Variants in TRIM69 observed in about 807,000 individuals in gnomAD.
TRIM69 encodes E3 ubiquitin-protein ligase TRIM69.
In TRIM69, 29 loss-of-function variants were observed where a neutral mutation model predicts 37.7. The observed-to-expected ratio is 0.77, with a 90% CI of 0.57 to 1.05. The LOEUF is 1.05. Ranked by LOEUF, TRIM69 falls within the 50% of genes least tolerant of loss-of-function variation. The probability of loss-of-function intolerance (pLI) is 0.00; values close to 1 mark genes in which losing one functional copy is unlikely to be tolerated. For synonymous variants in TRIM69, 209 were observed against 212.4 expected (o/e 0.98, Z 0.14); for missense variants, 596 against 579.9 (o/e 1.03, Z -0.28).
intron 1 of TRIM69, among the ~76,000 whole-genome samples, chr15:44,739,565 C>T (rs1189527391): frequency 6.6e-6 from 1 of 152,192 alleles, no homozygotes; most frequent in Admixed American, 6.5e-5. Context: ...GAACGGTGCA[C>T]CAGGAGATTA....
Position 44,755,388 on chromosome 15 carries a change from C to G in TRIM69, c.483+12C>G, listed in dbSNP as rs767523295. Reference sequence around the variant, plus strand: ...TCCATTTCTTCACGGTGGGTGAGCCCTGGGCCTTGAACAATCCCTTAGAAA... The same window carrying G: ...TCCATTTCTTCACGGTGGGTGAGCCGTGGGCCTTGAACAATCCCTTAGAAA... On this transcript the variant is annotated intron_variant, in intron 2 of 6. Transcript: ENST00000329464. 2 of 1,593,770 alleles carry G rather than the reference C, an allele frequency of 1.3e-6. No homozygotes were observed. The highest frequency in any genetic ancestry group is 1.7e-6 in the Non-Finnish European group (2 of 1,163,350).
At chr15:44,755,451 C>T in intron 2 of TRIM69, 75 bp downstream of exon 2, 4 of 1,044,246 alleles carry the variant, frequency 3.8e-6, no homozygotes, top group Non-Finnish European at 5.7e-6. Flanking sequence ...CTTCTTTCTT[C>T]CAACCCCATC....
At chr15:44,746,052 T>A (rs201942539) in intron 1 of TRIM69, among the ~76,000 whole-genome samples, 1 of 65,128 alleles carries the variant, frequency 1.5e-5, no homozygotes, top group African/African-American at 4.8e-5. Context: ...TCTATGTAAG[T>A]TAACAGAGAG....
At chr15:44,747,165 A>G (rs1187738453) in intron 1 of TRIM69, among the ~76,000 whole-genome samples, 2 of 152,174 alleles carry the variant, frequency 1.3e-5, no homozygotes, top group African/African-American at 4.8e-5. Flanking sequence ...GGAGTAACCC[A>G]TTTGTTATAC....
chr15:44,749,330 C>T (rs910232946), intron 1 of TRIM69, among the ~76,000 whole-genome samples: 14 of 152,198 alleles, frequency 9.2e-5, no homozygotes, highest in African/African-American at 2.2e-4. Flanking sequence ...AAAACATTTT[C>T]GTCCTCCCAA....
At chr15:44,756,712 G>A (rs1389782192) in intron 3 of TRIM69, 1 of 358,658 alleles carries the variant, frequency 2.8e-6, no homozygotes, top group Admixed American at 4.4e-5. Context: ...TCAGTCACCA[G>A]GTGACTGTCG....
chr15:44,755,035 T>C lies in TRIM69; in HGVS notation c.142T>C (p.Phe48Leu). ...ACACTGCCCTCTGTGCAATGATTGG[T>C]TCCGAGACCCACTGATGCTAAGCTG... ...ELHCPLCNDW[F>L]RDPLMLSCGH... Residue 48 changes from phenylalanine (F) to leucine (L), a missense_variant, in exon 2 of 7, where the codon TTC (phenylalanine) becomes CTC (leucine). Coordinates refer to ENST00000329464, the MANE Select transcript of TRIM69 (RefSeq NM_182985.5). 1 of 1,614,240 alleles carries C rather than the reference T, an allele frequency of 6.2e-7. No individual in the cohort carries two copies. The highest frequency in any genetic ancestry group is 8.5e-7 in the Non-Finnish European group (1 of 1,180,042).
chr15:44,747,069 T>C lies in TRIM69; in HGVS notation c.7-7831T>C, dbSNP rs369597653. Among the ~76,000 whole-genome samples, 143 of 152,264 alleles carry C rather than the reference T, an allele frequency of 9.4e-4. 3 individuals carry two copies. In the South Asian group the frequency reaches 0.025, roughly 26 times the overall value. On this transcript the variant is annotated intron_variant, in intron 1 of 6. Coordinates refer to ENST00000329464, the MANE Select transcript of TRIM69 (RefSeq NM_182985.5). ...GACCTTACATGAAGGGAGGTGGTACTTTTCCAAAGAAAGTACCCCATCCTG... is the reference window on the plus strand; with the variant it reads ...GACCTTACATGAAGGGAGGTGGTACCTTTCCAAAGAAAGTACCCCATCCTG...
intron 6 of TRIM69, among the ~76,000 whole-genome samples, chr15:44,760,532 A>T (rs777649376): frequency 6.6e-6 from 1 of 152,190 alleles, no homozygotes. Flanking sequence ...GTTTATGGTT[A>T]TTGATTTAAT....
intron 3 of TRIM69, chr15:44,757,176 A>G (rs1436621085): frequency 6.6e-6 from 1 of 152,208 alleles, no homozygotes; most frequent in Non-Finnish European, 1.5e-5. Flanking sequence ...TTCCTTTTGT[A>G]AAAGTTCCTA....
At chr15:44,746,458 CTCT>C (rs1402417632) in intron 1 of TRIM69, among the ~76,000 whole-genome samples, 1 of 152,116 alleles carries the variant, frequency 6.6e-6, no homozygotes, top group African/African-American at 2.4e-5. Context: ...TGGTTTGTAA[CTCT>C]TCTTTTTTTT....
chr15:44,739,704 C>A (rs1276057809), intron 1 of TRIM69, among the ~76,000 whole-genome samples: 1 of 151,982 alleles, frequency 6.6e-6, no homozygotes, highest in Non-Finnish European at 1.5e-5. Context: ...CCCAGGCTTG[C>A]TTAGGTAAAC....
intron 6 of TRIM69, among the ~76,000 whole-genome samples, chr15:44,760,413 C>T (rs1387566568): frequency 6.6e-6 from 1 of 152,090 alleles, no homozygotes; most frequent in Non-Finnish European, 1.5e-5. Context: ...TAAAATAACA[C>T]ACATGGCATT....
intron 1 of TRIM69, among the ~76,000 whole-genome samples, chr15:44,746,774 ACAC>A (rs1388914575): frequency 1.3e-5 from 2 of 151,500 alleles, no homozygotes; most frequent in Admixed American, 1.3e-4. Context: ...ACACACACAC[ACAC>A]ATCTTTCTTT....
chr15:44,764,629 C>T (rs965897405), intron 6 of TRIM69, among the ~76,000 whole-genome samples: 3 of 152,204 alleles, frequency 2.0e-5, no homozygotes, highest in Non-Finnish European at 2.9e-5. Context: ...AATGAATGGT[C>T]ATAAATGTGC....
chr15:44,765,129 G>C (rs1381105840), intron 6 of TRIM69, among the ~76,000 whole-genome samples: 1 of 152,182 alleles, frequency 6.6e-6, no homozygotes, highest in Non-Finnish European at 1.5e-5. Flanking sequence ...GATATTTCTG[G>C]AAGTAGTCAG....
chr15:44,748,173 T>C lies in TRIM69; in HGVS notation c.7-6727T>C, dbSNP rs151171169. Among the ~76,000 whole-genome samples, 398 of 152,322 alleles carry C rather than the reference T, an allele frequency of 2.6e-3. 1 individual carries two copies. The highest frequency in any genetic ancestry group is 9.0e-3 in the African/African-American group (376 of 41,572). On this transcript the variant is annotated intron_variant, in intron 1 of 6. Coordinates refer to ENST00000329464, the MANE Select transcript of TRIM69 (RefSeq NM_182985.5). ...AACTCTCAGGGATTTTGCCTCAGAA[T>C]ACATCTTCTGTCTATATTTAAGTTT...
chr15:44,738,411 G>C (rs927899794), intron 1 of TRIM69, among the ~76,000 whole-genome samples: 3 of 151,952 alleles, frequency 2.0e-5, no homozygotes, highest in Admixed American at 1.3e-4. Context: ...GCCAGCCAGG[G>C]CTTTATAAGG....
Position 44,759,630 on chromosome 15 carries a change from T to C in TRIM69, c.814-10T>C. On this transcript the variant is annotated splice_polypyrimidine_tract_variant and intron_variant, in intron 4 of 6. Transcript: ENST00000329464. Reference sequence around the variant, plus strand: ...GGGCATCTGATGTCTCTCTTTCTCCTTTCTTCTAGGACATCACAACTCTCT... The same window carrying C: ...GGGCATCTGATGTCTCTCTTTCTCCCTTCTTCTAGGACATCACAACTCTCT... 3 of 1,613,616 alleles carry C rather than the reference T, an allele frequency of 1.9e-6. No individual in the cohort carries two copies. The highest frequency in any genetic ancestry group is 2.5e-6 in the Non-Finnish European group (3 of 1,179,826).
Sources: gnomAD v4.1 joint callset for allele counts (sites outside exome capture counted in the v4.1 genomes callset) on GRCh38, gnomAD v4.1.1 for gene constraint, MANE v1.5 for transcripts, NCBI Gene and HGNC (gene_info 2026-07-23, HGNC 2026-07-21) for gene names.